The following CGNL1 variants were observed in gnomAD, a reference collection of about 807,000 sequenced individuals.
The protein encoded by CGNL1 is cingulin-like protein 1.
Under a neutral mutation model 141.2 loss-of-function variants are expected in CGNL1, and 132 were observed. That is an observed-to-expected ratio of 0.93 (90% CI 0.81 to 1.08). The LOEUF (loss-of-function observed/expected upper bound fraction) is 1.08, where lower values mean the gene tolerates loss of function less well. Among genes scored for constraint, CGNL1 ranks in the 50% least tolerant of loss-of-function variants. The probability of loss-of-function intolerance (pLI) is 0.00; values close to 1 mark genes in which losing one functional copy is unlikely to be tolerated. For synonymous variants in CGNL1, 690 were observed against 622.1 expected (o/e 1.11, Z -1.63); for missense variants, 1,870 against 1,588.6 (o/e 1.18, Z -3.01).
chr15:57,516,672 TG>T, intron 8 of CGNL1, 107 bp from the exon 9 acceptor site: 1 of 1,181,430 alleles, frequency 8.5e-7, no homozygotes, highest in Non-Finnish European at 1.2e-6. Context: ...GCACAGGGCC[TG>T]GCTAAGTGGG....
rs770353590 is a variant in CGNL1 at position 57,438,182 on chromosome 15, A to G, written c.183A>G (p.Glu61=). 1.9e-6 allele frequency: 3 copies of G among 1,614,112 alleles called. No homozygotes were observed. Among genetic ancestry groups the G allele is most frequent in the Non-Finnish European group, 2.5e-6 (3 of 1,179,976 alleles). ...CCTATATTGTCCTGAATAACACAGA[A>G]CGGTGCCTAGCAGGCACATCGTTTT... is the stretch of plus-strand genomic sequence containing the variant. ...GHPYIVLNNT[E]RCLAGTSFSE... is the part of the protein sequence containing the mutation. Residue 61 remains glutamate (E), a synonymous_variant, in exon 2 of 19, where the codon GAA becomes GAG. Coordinates refer to ENST00000281282, the MANE Select transcript of CGNL1 (RefSeq NM_032866.5).
At chr15:57,493,423 C>G (rs2063894288) in intron 8 of CGNL1, among the ~76,000 whole-genome samples, 1 of 152,092 alleles carries the variant, frequency 6.6e-6, no homozygotes, top group African/African-American at 2.4e-5. Flanking sequence ...CATAAAGACA[C>G]AGAAAGCATG....
chr15:57,520,593 C>T (rs1270811298), intron 10 of CGNL1, among the ~76,000 whole-genome samples: 4 of 152,222 alleles, frequency 2.6e-5, no homozygotes, highest in Non-Finnish European at 5.9e-5. Context: ...ACTGGAACTG[C>T]ACTTAAGGCA....
intron 1 of CGNL1, among the ~76,000 whole-genome samples, chr15:57,384,752 A>T (rs1383935730): frequency 6.6e-6 from 1 of 152,228 alleles, no homozygotes. Context: ...CTGACCTTGT[A>T]TACCTGGTGT....
chr15:57,503,266 C>G (rs2064052141), intron 8 of CGNL1, among the ~76,000 whole-genome samples: 1 of 152,180 alleles, frequency 6.6e-6, no homozygotes, highest in Non-Finnish European at 1.5e-5. Context: ...CAGGGATGGG[C>G]CAAGTCTCTG....
intron 1 of CGNL1, among the ~76,000 whole-genome samples, chr15:57,404,812 G>C (rs1426821497): frequency 6.6e-6 from 1 of 152,164 alleles, no homozygotes; most frequent in African/African-American, 2.4e-5. Context: ...ATCATGTCAA[G>C]AGGGTACTTG....
intron 8 of CGNL1, among the ~76,000 whole-genome samples, chr15:57,501,214 G>C (rs1345870423): frequency 6.6e-6 from 1 of 152,172 alleles, no homozygotes; most frequent in Non-Finnish European, 1.5e-5. Context: ...TCTCAACTCT[G>C]GCTGCCTGGG....
At chr15:57,463,006 A>T (rs2152334588) in intron 8 of CGNL1, among the ~76,000 whole-genome samples, 1 of 152,158 alleles carries the variant, frequency 6.6e-6, no homozygotes, top group East Asian at 1.9e-4. Flanking sequence ...CTTGTGATCT[A>T]TCTTTATGTG....
intron 9 of CGNL1, among the ~76,000 whole-genome samples, chr15:57,518,095 C>G (rs2030967524): frequency 6.6e-6 from 1 of 151,708 alleles, no homozygotes; most frequent in African/African-American, 2.4e-5. Context: ...CACTTGAGCC[C>G]AGGAGTTCAT....
At position 57,439,139 on chromosome 15, in the gene CGNL1, A is replaced by C; in HGVS notation, c.1140A>C (p.Thr380=). 6.2e-7 allele frequency: 1 copy of C among 1,614,212 alleles called. No homozygotes were observed. Among genetic ancestry groups the C allele is most frequent in the Non-Finnish European group, 8.5e-7 (1 of 1,180,040 alleles). Residue 380 remains threonine (T), a synonymous_variant, in exon 2 of 19, where the codon ACA becomes ACC. Coordinates refer to ENST00000281282, the MANE Select transcript of CGNL1 (RefSeq NM_032866.5). The part of the protein sequence containing the change: ...GRSGKRNRIN[T]DDRKRSRSVD... ...CTGGGAAGCGAAACAGAATTAATAC[A>C]GATGACAGGAAAAGATCCAGAAGCG...
chr15:57,461,889 C>T lies in CGNL1; in HGVS notation c.2400C>T (p.Thr800=), dbSNP rs769424031. The stretch of plus-strand genomic sequence containing the variant: ...TGAGGGAGAGTGTGGAAGAAGCAAC[C>T]AAGGTGAGGGATGGGGCAGGAGAAT... ...QALRESVEEA[T]KNVEVLASRS... The change falls in exon 8 of 19, where the codon ACC becomes ACT. Residue 800 remains threonine (T), a synonymous_variant. Transcript: ENST00000281282. 1.1e-5 allele frequency: 18 copies of T among 1,612,684 alleles called. No homozygotes were observed. In the South Asian group the frequency reaches 1.8e-4, roughly 16 times the overall value.
chr15:57,401,875 C>G (rs1278782294), intron 1 of CGNL1: 1 of 152,174 alleles, frequency 6.6e-6, no homozygotes, highest in African/African-American at 2.4e-5. Flanking sequence ...TGTTGATGGG[C>G]TAGTGAGTTA....
At chr15:57,495,105 C>G (rs2063918875) in intron 8 of CGNL1, among the ~76,000 whole-genome samples, 1 of 152,198 alleles carries the variant, frequency 6.6e-6, no homozygotes, top group African/African-American at 2.4e-5. Flanking sequence ...GTTCATATAA[C>G]TTGGCTATAC....
At chr15:57,433,630 C>T (rs1595698409) in intron 1 of CGNL1, among the ~76,000 whole-genome samples, 2 of 152,164 alleles carry the variant, frequency 1.3e-5, no homozygotes, top group East Asian at 3.9e-4. Flanking sequence ...TTATTAAAAC[C>T]AGCATAATTA....
intron 8 of CGNL1, among the ~76,000 whole-genome samples, chr15:57,491,991 A>C (rs1160593973): frequency 6.6e-6 from 1 of 152,196 alleles, no homozygotes; most frequent in Non-Finnish European, 1.5e-5. Context: ...TGATGACTGA[A>C]TGTAATGTGG....
chr15:57,405,772 C>CTCTTTCTTTCTT lies in CGNL1; in HGVS notation c.-16+29232_-16+29243dup, dbSNP rs201323807. Among the ~76,000 whole-genome samples the CTCTTTCTTTCTT allele has an allele frequency of 5.1e-3, 632 of 123,456 alleles. 15 individuals are homozygous for CTCTTTCTTTCTT. Among genetic ancestry groups the CTCTTTCTTTCTT allele is most frequent in the African/African-American group, 0.02 (587 of 30,074 alleles). 81.0% of individuals were successfully genotyped at this position (123,456 alleles called of 152,430 possible). A position where few individuals can be genotyped will look rare whatever the true frequency, so the allele number is the denominator to read the frequency against. ...CCTTTTTCTTTTTCTTTCTTTCTTT[C>CTCTTTCTTTCTT]TCTTTCTTTCTTTCTTTCTTTCTTT... On this transcript the variant is annotated intron_variant, in intron 1 of 18. Coordinates refer to ENST00000281282, the MANE Select transcript of CGNL1 (RefSeq NM_032866.5).
intron 1 of CGNL1, among the ~76,000 whole-genome samples, chr15:57,431,225 G>A (rs1470017952): frequency 1.3e-5 from 2 of 152,094 alleles, no homozygotes; most frequent in South Asian, 2.1e-4. Context: ...GAAGACATTC[G>A]AACCATCCTG....
At chr15:57,536,969 T>G (rs2032293654) in intron 14 of CGNL1, among the ~76,000 whole-genome samples, 1 of 152,214 alleles carries the variant, frequency 6.6e-6, no homozygotes, top group Non-Finnish European at 1.5e-5. Context: ...GGTGAGGAGT[T>G]AAGTTCAGCT....
At chr15:57,419,266 A>G (rs2062887021) in intron 1 of CGNL1, among the ~76,000 whole-genome samples, 1 of 152,158 alleles carries the variant, frequency 6.6e-6, no homozygotes. Context: ...AAACCCTTTA[A>G]TTTTAGAATA....
Sources: gnomAD v4.1 joint callset for allele counts (sites outside exome capture counted in the v4.1 genomes callset) on GRCh38, gnomAD v4.1.1 for gene constraint, MANE v1.5 for transcripts, NCBI Gene and HGNC (gene_info 2026-07-23, HGNC 2026-07-21) for gene names.